MIPOL1: variants seen among roughly 807,000 people sequenced by gnomAD.
The protein encoded by MIPOL1 is mirror-image polydactyly gene 1 protein.
A neutral mutation model predicts 60.9 loss-of-function variants in MIPOL1; 57 were observed. The observed-to-expected ratio is 0.94, with a 90% CI of 0.76 to 1.17. MIPOL1 has a LOEUF of 1.17. Among genes scored for constraint, MIPOL1 ranks in the 50% most tolerant of loss-of-function variants. The pLI is 0.00. For missense variants in MIPOL1, 551 were observed against 511.6 expected (o/e 1.08, Z -0.74); for synonymous variants, 179 against 168.8 (o/e 1.06, Z -0.47).
At chr14:37,419,462 A>G (rs2093830559) in intron 10 of MIPOL1, among the ~76,000 whole-genome samples, 1 of 152,190 alleles carries the variant, frequency 6.6e-6, no homozygotes, top group African/African-American at 2.4e-5. Context: ...GAAAATGGGT[A>G]AATCTTTACC....
At chr14:37,347,600 A>G (rs1438531266) in intron 9 of MIPOL1, among the ~76,000 whole-genome samples, 1 of 152,208 alleles carries the variant, frequency 6.6e-6, no homozygotes, top group Non-Finnish European at 1.5e-5. Flanking sequence ...GAGTATGAAG[A>G]AGTTAAAAGT....
At chr14:37,476,154 C>T (rs373607220) in intron 11 of MIPOL1, among the ~76,000 whole-genome samples, 6 of 152,188 alleles carry the variant, frequency 3.9e-5, no homozygotes, top group East Asian at 3.9e-4. Context: ...TTTCTCTTTT[C>T]GGCATTAATG....
intron 10 of MIPOL1, among the ~76,000 whole-genome samples, chr14:37,410,243 C>CT (rs5807952): frequency 1 from 152,255 of 152,316 alleles, 76,097 homozygotes; most frequent in Non-Finnish European, 1. Context: ...TTTAAATATA[C>CT]AAAAGAAAAT....
At chr14:37,268,913 T>G (rs1259953372) in intron 5 of MIPOL1, 120 bp downstream of exon 5, 1 of 841,890 alleles carries the variant, frequency 1.2e-6, no homozygotes, top group Non-Finnish European at 1.8e-6. Context: ...AACAGTAGCT[T>G]TATGTTTTTG....
intron 11 of MIPOL1, among the ~76,000 whole-genome samples, chr14:37,482,297 C>A (rs996066887): frequency 6.6e-6 from 1 of 152,106 alleles, no homozygotes; most frequent in Non-Finnish European, 1.5e-5. Context: ...AGAAGGCATA[C>A]AGATAGCCAG....
At chr14:37,468,371 C>G (rs182137692) in intron 11 of MIPOL1, among the ~76,000 whole-genome samples, 1 of 152,068 alleles carries the variant, frequency 6.6e-6, no homozygotes, top group Non-Finnish European at 1.5e-5. Context: ...TGTAACATCC[C>G]CTTCCAGGAT....
At chr14:37,488,517 A>G (rs763013572) in intron 11 of MIPOL1, among the ~76,000 whole-genome samples, 14 of 152,050 alleles carry the variant, frequency 9.2e-5, no homozygotes, top group East Asian at 7.7e-4. Flanking sequence ...TGTTGAGTGC[A>G]TATAGGTTTA....
intron 10 of MIPOL1, among the ~76,000 whole-genome samples, chr14:37,392,898 A>T (rs1364184863): frequency 6.6e-6 from 1 of 152,170 alleles, no homozygotes; most frequent in African/African-American, 2.4e-5. Flanking sequence ...CCCCCAAAAG[A>T]TATGTTCAAA....
At chr14:37,291,839 A>G (rs1431165645) in intron 7 of MIPOL1, among the ~76,000 whole-genome samples, 2 of 151,996 alleles carry the variant, frequency 1.3e-5, no homozygotes, top group Non-Finnish European at 2.9e-5. Context: ...TCAATCCATA[A>G]GAGAGGAGCC....
chr14:37,405,027 C>T (rs766523958), intron 10 of MIPOL1, among the ~76,000 whole-genome samples: 2 of 152,026 alleles, frequency 1.3e-5, no homozygotes, highest in Non-Finnish European at 2.9e-5. Context: ...AACACCACTG[C>T]CTTTGTATGA....
chr14:37,359,283 C>T (rs986330579), intron 9 of MIPOL1, among the ~76,000 whole-genome samples: 2 of 152,042 alleles, frequency 1.3e-5, no homozygotes, highest in African/African-American at 2.4e-5. Flanking sequence ...TTCCAGCTTT[C>T]TTCTTTTTGC....
intron 1 of MIPOL1, among the ~76,000 whole-genome samples, chr14:37,224,197 C>CTA (rs1969308783): frequency 1.3e-5 from 2 of 152,016 alleles, no homozygotes; most frequent in Non-Finnish European, 2.9e-5. Flanking sequence ...AGTGTTTTAC[C>CTA]AGGCAGGTGT....
At chr14:37,481,866 A>G (rs1443766491) in intron 11 of MIPOL1, among the ~76,000 whole-genome samples, 1 of 152,178 alleles carries the variant, frequency 6.6e-6, no homozygotes, top group Non-Finnish European at 1.5e-5. Context: ...AATAATGCTT[A>G]GAAAACTTGA....
chr14:37,389,580 T>A (rs1337333536), intron 10 of MIPOL1, among the ~76,000 whole-genome samples: 1 of 151,324 alleles, frequency 6.6e-6, no homozygotes, highest in South Asian at 2.1e-4. Context: ...TTCTCGAGAA[T>A]CTTTTATTCA....
chr14:37,202,892 A>G (rs1206585140), intron 1 of MIPOL1, among the ~76,000 whole-genome samples: 4 of 152,168 alleles, frequency 2.6e-5, no homozygotes, highest in Non-Finnish European at 5.9e-5. Flanking sequence ...ATTTAGGGTG[A>G]CTGTGTGTTC....
At position 37,354,161 on chromosome 14, in the gene MIPOL1, T is replaced by C. The variant is rs560432252; in HGVS notation, c.829-15356T>C. On this transcript the variant is annotated intron_variant, in intron 9 of 12. Transcript: ENST00000684589. ...CTTTATTTCTGCCTTCATTTCGTTA[T>C]CTACCCAGTAGTCATTCAGGAGCAG... Among the ~76,000 whole-genome samples the C allele has an allele frequency of 4.6e-5, 7 of 152,114 alleles. No individual in the cohort carries two copies. In the East Asian group the frequency reaches 1.4e-3, roughly 30 times the overall value.
intron 11 of MIPOL1, among the ~76,000 whole-genome samples, chr14:37,445,259 A>G (rs764847976): frequency 1.4e-4 from 22 of 152,272 alleles, no homozygotes; most frequent in Non-Finnish European, 3.2e-4. Flanking sequence ...TACAAAAATC[A>G]CAAGCATTCT....
At chr14:37,361,414 T>C (rs765260785) in intron 9 of MIPOL1, among the ~76,000 whole-genome samples, 2 of 152,090 alleles carry the variant, frequency 1.3e-5, no homozygotes, top group African/African-American at 2.4e-5. Context: ...ATCAGTCTAA[T>C]ATTGACAGTG....
intron 12 of MIPOL1, among the ~76,000 whole-genome samples, chr14:37,517,806 T>A (rs2095381833): frequency 2.6e-5 from 4 of 152,030 alleles, no homozygotes; most frequent in African/African-American, 9.7e-5. Context: ...GAAATAAGAA[T>A]AAAAGGAACA....
Sources: allele counts gnomAD v4.1 joint callset (sites outside exome capture counted in the v4.1 genomes callset), GRCh38; gene constraint gnomAD v4.1.1; transcripts MANE v1.5; gene names NCBI Gene and HGNC (gene_info 2026-07-23, HGNC 2026-07-21).